The following ANTXR2 variants were observed in gnomAD, a reference collection of about 807,000 sequenced individuals.
The protein encoded by ANTXR2 is anthrax toxin receptor 2.
A neutral mutation model predicts 73.7 loss-of-function variants in ANTXR2; 44 were observed. That is an observed-to-expected ratio of 0.60 (90% CI 0.47 to 0.77). The LOEUF is 0.77. Among genes scored for constraint, ANTXR2 ranks in the 30% least tolerant of loss-of-function variants. The pLI, the probability that ANTXR2 is intolerant of heterozygous loss-of-function variation, is 0.00. For missense variants in ANTXR2, 604 were observed against 592.5 expected, an observed-to-expected ratio of 1.02 and a Z score of -0.20; for synonymous variants, 217 against 205.9, an observed-to-expected ratio of 1.05 and a Z score of -0.46.
rs1297029521 is a variant in ANTXR2, at chr4:79,906,321, C to T, written c.*1108G>A. 1.3e-5 allele frequency: 2 copies of T among 152,438 alleles called. No homozygotes were observed. Among genetic ancestry groups the T allele is most frequent in the Admixed American group, 6.6e-5 (1 of 15,246 alleles). The allele number at this position is 152,438 out of a possible 1,614,324, so 9.4% of individuals were successfully genotyped here. ...CCTCAAAATCCAAGTAATGCGCATA[C>T]AGTAATAGGTCATTCAATGTCAAAA... On this transcript the variant is annotated 3_prime_UTR_variant, in exon 17 of 17. Coordinates refer to ENST00000403729, the MANE Select transcript of ANTXR2 (RefSeq NM_058172.6).
At chr4:79,978,383 A>T (rs202239520) in intron 14 of ANTXR2, among the ~76,000 whole-genome samples, 1 of 145,910 alleles carries the variant, frequency 6.9e-6, no homozygotes, top group Non-Finnish European at 1.5e-5. Context: ...AAAAAAAAAA[A>T]CCCTTTGTAA....
chr4:80,017,143 T>A (rs1177569848), intron 11 of ANTXR2, among the ~76,000 whole-genome samples: 1 of 152,192 alleles, frequency 6.6e-6, no homozygotes, highest in Non-Finnish European at 1.5e-5. Context: ...CCCTACAGGA[T>A]CTGCCCTGCT....
At chr4:80,004,229 A>T (rs1040566832) in intron 12 of ANTXR2, among the ~76,000 whole-genome samples, 1 of 151,910 alleles carries the variant, frequency 6.6e-6, no homozygotes, top group Non-Finnish European at 1.5e-5. Flanking sequence ...AAAAAATAAA[A>T]TAAAAAAATA....
intron 16 of ANTXR2, among the ~76,000 whole-genome samples, chr4:79,933,714 A>T (rs933820538): frequency 2.2e-5 from 1 of 45,826 alleles, no homozygotes; most frequent in Non-Finnish European, 3.8e-5. Flanking sequence ...CCCCCACCCC[A>T]CAACAGGCCC....
intron 12 of ANTXR2, among the ~76,000 whole-genome samples, chr4:80,006,061 C>T (rs984662984): frequency 6.6e-6 from 1 of 152,116 alleles, no homozygotes; most frequent in African/African-American, 2.4e-5. Flanking sequence ...CTGTCAACAT[C>T]TTATTCATGA....
chr4:80,071,906 C>T (rs76836102), intron 1 of ANTXR2, among the ~76,000 whole-genome samples: 108 of 152,148 alleles, frequency 7.1e-4, no homozygotes, highest in African/African-American at 2.6e-3. Context: ...AAATACCTGC[C>T]TAATTGTTTA....
chr4:80,031,663 A>C lies in ANTXR2; in HGVS notation c.826T>G (p.Ser276Ala). The change falls in exon 10 of 17, where the codon TCT becomes GCT. Residue 276 changes from serine to alanine, a missense_variant. Ser to Ala is a moderately conservative substitution (Grantham distance 99). Coordinates refer to ENST00000403729, the MANE Select transcript of ANTXR2 (RefSeq NM_058172.6). ...SVKPVSVQLN[S>A]MLCPAPILNK... is the part of the protein sequence containing the mutation. ...AGGATAGGTGCAGGACAAAGCATAGAATTAAGCTGTACACTTACTGGTTTT... is the reference window on the plus strand; with the variant it reads ...AGGATAGGTGCAGGACAAAGCATAGCATTAAGCTGTACACTTACTGGTTTT... 1 of 1,529,884 alleles carries C rather than the reference A, an allele frequency of 6.5e-7. No homozygotes were observed. Among genetic ancestry groups the C allele is most frequent in the Non-Finnish European group, 8.7e-7 (1 of 1,145,972 alleles). 94.8% of individuals were successfully genotyped at this position (1,529,884 alleles called of 1,614,324 possible).
chr4:79,962,196 CA>C (rs1289327374), intron 16 of ANTXR2, among the ~76,000 whole-genome samples: 2 of 151,982 alleles, frequency 1.3e-5, no homozygotes, highest in African/African-American at 4.8e-5. Context: ...TCCACTGAAA[CA>C]GTTCATGATA....
chr4:79,995,077 A>G (rs1730660129), intron 12 of ANTXR2, among the ~76,000 whole-genome samples: 1 of 151,976 alleles, frequency 6.6e-6, no homozygotes, highest in African/African-American at 2.4e-5. Context: ...CTGTTGTTTC[A>G]TCTAGAAGAC....
chr4:79,976,159 G>T (rs112094767), intron 16 of ANTXR2, among the ~76,000 whole-genome samples: 4 of 151,912 alleles, frequency 2.6e-5, no homozygotes, highest in Non-Finnish European at 4.4e-5. Context: ...TGATCCGCCC[G>T]CCTCGGCTTC....
At chr4:79,909,982 A>G (rs569104122) in intron 16 of ANTXR2, among the ~76,000 whole-genome samples, 6 of 152,306 alleles carry the variant, frequency 3.9e-5, no homozygotes, top group African/African-American at 1.4e-4. Flanking sequence ...AAAAGGAAAG[A>G]TAACAGTGGT....
intron 3 of ANTXR2, among the ~76,000 whole-genome samples, chr4:80,059,618 A>G (rs961234684): frequency 6.6e-6 from 1 of 152,048 alleles, no homozygotes; most frequent in Non-Finnish European, 1.5e-5. Context: ...TTGACTTTAC[A>G]AAGTGCTGGA....
At chr4:79,966,887 G>A (rs1208380914) in intron 16 of ANTXR2, among the ~76,000 whole-genome samples, 3 of 149,764 alleles carry the variant, frequency 2.0e-5, no homozygotes, top group African/African-American at 4.9e-5. Context: ...CTGTGCTGGC[G>A]ACTATAAGAA....
At chr4:79,907,491 T>C (rs1161218000) in intron 16 of ANTXR2, 24 bp from the exon 17 acceptor site, 10 of 1,606,616 alleles carry the variant, frequency 6.2e-6, no homozygotes, top group East Asian at 2.2e-5. Flanking sequence ...TAAATCCATA[T>C]TGAAATATTG....
intron 3 of ANTXR2, among the ~76,000 whole-genome samples, chr4:80,067,729 T>C (rs2110122824): frequency 6.6e-6 from 1 of 152,296 alleles, no homozygotes; most frequent in Admixed American, 6.5e-5. Context: ...AGGGCCATTA[T>C]CCTCAGCAAA....
intron 12 of ANTXR2, among the ~76,000 whole-genome samples, chr4:80,001,983 C>T (rs993241502): frequency 5.3e-5 from 8 of 151,980 alleles, no homozygotes; most frequent in African/African-American, 1.9e-4. Flanking sequence ...GGCCATACTG[C>T]CCAAGGTAAT....
rs775530494 is a variant in ANTXR2, at chr4:79,985,273, C to A, written c.1042-410G>T. Among the ~76,000 whole-genome samples the A allele has an allele frequency of 1.7e-3, 259 of 151,676 alleles. 1 individual carries two copies. Among genetic ancestry groups the A allele is most frequent in the Non-Finnish European group, 2.9e-3 (196 of 67,924 alleles). ...GCTGAGGCAGGAGAATGGCGTGAAC[C>A]CGGGAGGCAGAGCTTGCAGTGTGCC... On this transcript the variant is annotated intron_variant, in intron 12 of 16. Transcript: ENST00000403729.
At chr4:79,926,868 T>C (rs1727799925) in intron 16 of ANTXR2, among the ~76,000 whole-genome samples, 1 of 151,914 alleles carries the variant, frequency 6.6e-6, no homozygotes, top group Non-Finnish European at 1.5e-5. Context: ...AATTGTGGCA[T>C]ATATATGTGT....
intron 16 of ANTXR2, among the ~76,000 whole-genome samples, chr4:79,951,591 C>CA (rs61444171): frequency 5.8e-4 from 87 of 148,930 alleles, no homozygotes; most frequent in African/African-American, 1.7e-3. Flanking sequence ...ACAACAACAA[C>CA]AAAAAAAAAA....
Sources: gnomAD v4.1 joint callset for allele counts (sites outside exome capture counted in the v4.1 genomes callset) on GRCh38, gnomAD v4.1.1 for gene constraint, MANE v1.5 for transcripts, NCBI Gene and HGNC (gene_info 2026-07-23, HGNC 2026-07-21) for gene names.